GABRB1: variants seen among roughly 807,000 people sequenced by gnomAD.
The protein encoded by GABRB1 is gamma-aminobutyric acid receptor subunit beta-1.
GABRB1 carries 17 observed loss-of-function variants against 51.6 expected under a neutral mutation model. That is an observed-to-expected ratio of 0.33 (90% CI 0.23 to 0.49). GABRB1 has a LOEUF of 0.49. Ranked by LOEUF, GABRB1 falls within the 20% of genes least tolerant of loss-of-function variation. The pLI, the probability that GABRB1 is intolerant of heterozygous loss-of-function variation, is 0.99. For synonymous variants in GABRB1, 247 were observed against 218.9 expected, an observed-to-expected ratio of 1.13 and a Z score of -1.14; for missense variants, 410 against 600.6, an observed-to-expected ratio of 0.68 and a Z score of 3.32.
chr4:47,242,593 A>C (rs1315709473), intron 4 of GABRB1, among the ~76,000 whole-genome samples: 2 of 152,150 alleles, frequency 1.3e-5, no homozygotes, highest in Non-Finnish European at 2.9e-5. Flanking sequence ...CTGGTATGAG[A>C]TGGTATCTCA....
chr4:47,200,810 G>A (rs2109796573), intron 4 of GABRB1, among the ~76,000 whole-genome samples: 1 of 152,232 alleles, frequency 6.6e-6, no homozygotes, highest in East Asian at 1.9e-4. Context: ...AAGAAAGTCA[G>A]CTCTAGGACC....
chr4:47,280,330 A>AATT (rs1245594092), intron 4 of GABRB1, among the ~76,000 whole-genome samples: 2 of 151,986 alleles, frequency 1.3e-5, no homozygotes, highest in African/African-American at 2.4e-5. Context: ...TAATTTTTAT[A>AATT]ATTTGTGTCC....
At chr4:47,297,451 A>G (rs908810553) in intron 4 of GABRB1, among the ~76,000 whole-genome samples, 7 of 152,048 alleles carry the variant, frequency 4.6e-5, no homozygotes, top group African/African-American at 1.7e-4. Context: ...ACAGAAATAC[A>G]AACTACCATC....
intron 4 of GABRB1, among the ~76,000 whole-genome samples, chr4:47,269,532 G>A (rs760741732): frequency 1.3e-5 from 2 of 152,050 alleles, no homozygotes; most frequent in Non-Finnish European, 2.9e-5. Context: ...GGAGGGGGTA[G>A]GTTTTTGTCA....
intron 4 of GABRB1, among the ~76,000 whole-genome samples, chr4:47,196,576 G>A (rs768148671): frequency 6.6e-6 from 1 of 152,274 alleles, no homozygotes; most frequent in Non-Finnish European, 1.5e-5. Flanking sequence ...GGAACTCTTC[G>A]AAGACCTTCT....
At chr4:47,308,800 C>A (rs1160181523) in intron 4 of GABRB1, among the ~76,000 whole-genome samples, 2 of 152,050 alleles carry the variant, frequency 1.3e-5, no homozygotes, top group East Asian at 3.9e-4. Context: ...TAAACATTTT[C>A]TTTGGCTTCT....
chr4:47,088,478 A>T (rs1728167290), intron 3 of GABRB1, among the ~76,000 whole-genome samples: 1 of 152,214 alleles, frequency 6.6e-6, no homozygotes, highest in Non-Finnish European at 1.5e-5. Flanking sequence ...GAGCCAATGC[A>T]AAATACCAGG....
At chr4:47,027,564 AATAAT>A (rs1334989138), upstream of GABRB1, among the ~76,000 whole-genome samples, 1 of 151,612 alleles carries the variant, frequency 6.6e-6, no homozygotes, top group Admixed American at 6.6e-5. Context: ...TTTTAAAGAA[AATAAT>A]ATATCACTAG....
chr4:47,310,480 G>C (rs145974739), intron 4 of GABRB1, among the ~76,000 whole-genome samples: 113 of 152,252 alleles, frequency 7.4e-4, no homozygotes, highest in Non-Finnish European at 1.0e-4. Context: ...TAAAAATATG[G>C]TAAGGTAAAC....
intron 3 of GABRB1, among the ~76,000 whole-genome samples, chr4:47,093,453 C>T (rs1714222290): frequency 1.3e-5 from 2 of 152,170 alleles, no homozygotes; most frequent in Admixed American, 1.3e-4. Flanking sequence ...CATTCTCCTC[C>T]TCCCCAAAAC....
chr4:47,350,143 T>C (rs1328343016), intron 5 of GABRB1, among the ~76,000 whole-genome samples: 2 of 148,174 alleles, frequency 1.3e-5, no homozygotes, highest in Non-Finnish European at 3.0e-5. Flanking sequence ...CATTAGTTCT[T>C]ATTTTCTGAT....
intron 4 of GABRB1, among the ~76,000 whole-genome samples, chr4:47,263,776 T>A (rs1722544079): frequency 1.3e-5 from 2 of 152,312 alleles, no homozygotes; most frequent in South Asian, 4.1e-4. Flanking sequence ...AGCTAAATTC[T>A]TATGTATCTA....
intron 4 of GABRB1, among the ~76,000 whole-genome samples, chr4:47,222,840 A>T (rs1293399671): frequency 1.3e-5 from 2 of 152,160 alleles, no homozygotes; most frequent in African/African-American, 4.8e-5. Flanking sequence ...CTTTAAAAAA[A>T]ATCTGTACTT....
intron 4 of GABRB1, among the ~76,000 whole-genome samples, chr4:47,174,567 T>C (rs1308110307): frequency 6.6e-6 from 1 of 152,170 alleles, no homozygotes; most frequent in African/African-American, 2.4e-5. Context: ...TAGTCTGATC[T>C]CTTCAAAAAT....
intron 8 of GABRB1, among the ~76,000 whole-genome samples, chr4:47,419,546 TA>T (rs2110066030): frequency 6.6e-6 from 1 of 152,230 alleles, no homozygotes; most frequent in East Asian, 1.9e-4. Flanking sequence ...TTAGAATCAA[TA>T]GGGGGTCAGG....
rs931969165 is a variant in GABRB1 at position 47,239,890 on chromosome 4, G to A, written c.461+78421G>A. Among the ~76,000 whole-genome samples, 5 of 152,122 alleles carry A rather than the reference G, an allele frequency of 3.3e-5. No homozygotes were observed. The South Asian group carries it at 6.2e-4, about 19-fold the overall frequency. On this transcript the variant is annotated intron_variant, in intron 4 of 8. Coordinates refer to ENST00000295454, the MANE Select transcript of GABRB1 (RefSeq NM_000812.4). ...ATCCGGCCTTTCTCACTGCTGCCAC[G>A]GGGCTCAGTGCTGGACCAAGGCAAT... is the stretch of plus-strand genomic sequence containing the variant.
intron 5 of GABRB1, among the ~76,000 whole-genome samples, chr4:47,336,995 GA>G (rs1332442119): frequency 6.6e-6 from 1 of 152,166 alleles, no homozygotes; most frequent in Admixed American, 6.5e-5. Flanking sequence ...GATTCACAAA[GA>G]ACTAAGACAG....
intron 3 of GABRB1, among the ~76,000 whole-genome samples, chr4:47,103,679 C>T (rs544090554): frequency 1.6e-4 from 25 of 151,914 alleles, no homozygotes; most frequent in Admixed American, 2.6e-4. Context: ...ATGAATTATA[C>T]GAAGTTAGAA....
rs113833224 is a variant in GABRB1, at chr4:47,241,928, G to A, written c.462-78199G>A. On this transcript the variant is annotated intron_variant, in intron 4 of 8. Transcript: ENST00000295454. Reference sequence around the variant, plus strand: ...ATACTTTAAGTTCTAGGATACATGTGCACAATATGCAGGTTTGTTACATAT... The same window carrying A: ...ATACTTTAAGTTCTAGGATACATGTACACAATATGCAGGTTTGTTACATAT... Among the ~76,000 whole-genome samples, 228 of 151,484 alleles carry A rather than the reference G, an allele frequency of 1.5e-3. 1 individual carries two copies. The highest frequency in any genetic ancestry group is 5.2e-3 in the African/African-American group (213 of 41,242).
Sources: allele counts gnomAD v4.1 joint callset (sites outside exome capture counted in the v4.1 genomes callset), GRCh38; gene constraint gnomAD v4.1.1; transcripts MANE v1.5; gene names NCBI Gene and HGNC (gene_info 2026-07-23, HGNC 2026-07-21).